Variants in MAPK10 observed in about 807,000 individuals in gnomAD.
MAPK10 encodes the protein JNK3 alpha protein kinase.
Under a neutral mutation model 59.3 loss-of-function variants are expected in MAPK10, and 25 were observed. The ratio of observed to expected loss-of-function variants is 0.42; its 90% confidence interval spans 0.31 to 0.59. The LOEUF (loss-of-function observed/expected upper bound fraction) is 0.59, where lower values mean the gene tolerates loss of function less well. MAPK10 is among the 20% of genes least tolerant of loss of function. The pLI is 0.15. For synonymous variants in MAPK10, 190 were observed against 200.5 expected, an observed-to-expected ratio of 0.95 and a Z score of 0.44; for missense variants, 351 against 568.9, an observed-to-expected ratio of 0.62 and a Z score of 3.90.
rs1173944873 is a variant in MAPK10, at chr4:86,359,287, T to TCTCTCTCTCTCC, written c.-122+370_-122+371insGGAGAGAGAGAG. On this transcript the variant is annotated intron_variant, in intron 1 of 13. Coordinates refer to ENST00000641462, the MANE Select transcript of MAPK10 (RefSeq NM_138982.4). ...TCCTCTCTCTCTCTCTCTCTCTCTCTCTGTGTGTGTGTGTGTGTGTGTGTG... is the reference window on the plus strand; with the variant it reads ...TCCTCTCTCTCTCTCTCTCTCTCTCTCTCTCTCTCTCCCTGTGTGTGTGTGTGTGTGTGTGTG... Among the ~76,000 whole-genome samples the TCTCTCTCTCTCC allele has an allele frequency of 2.3e-3, 301 of 128,452 alleles. 3 individuals carry two copies. Among genetic ancestry groups the TCTCTCTCTCTCC allele is most frequent in the African/African-American group, 9.8e-3 (287 of 29,144 alleles). The allele number at this position is 128,452 out of a possible 152,430, so 84.3% of individuals were successfully genotyped here.
At chr4:86,230,592 T>C (rs1026369227) in intron 2 of MAPK10, among the ~76,000 whole-genome samples, 1 of 152,202 alleles carries the variant, frequency 6.6e-6, no homozygotes, top group Non-Finnish European at 1.5e-5. Context: ...CTTAAGTAAA[T>C]ATATACAAAT....
At chr4:86,136,554 C>A (rs193079916) in intron 4 of MAPK10, among the ~76,000 whole-genome samples, 27 of 150,542 alleles carry the variant, frequency 1.8e-4, no homozygotes, top group East Asian at 7.7e-4. Flanking sequence ...TGGAAAGGAA[C>A]AACCAGTACC....
intron 1 of MAPK10, among the ~76,000 whole-genome samples, chr4:86,511,821 G>A (rs1256226580): frequency 2.0e-5 from 3 of 146,900 alleles, no homozygotes; most frequent in Admixed American, 7.0e-5. Context: ...AAACAAGGAA[G>A]GAAGGAAAGA....
chr4:86,141,806 G>T (rs1486329370), intron 4 of MAPK10, among the ~76,000 whole-genome samples: 1 of 152,084 alleles, frequency 6.6e-6, no homozygotes, highest in Non-Finnish European at 1.5e-5. Flanking sequence ...ATTTTGTGTT[G>T]CTATAATAGA....
intron 2 of MAPK10, among the ~76,000 whole-genome samples, chr4:86,272,059 A>C (rs911681539): frequency 2.6e-5 from 4 of 151,836 alleles, no homozygotes; most frequent in Non-Finnish European, 4.4e-5. Context: ...CCTAATGTTT[A>C]GCTCCCACTT....
At chr4:86,316,858 C>T (rs1323109951) in intron 2 of MAPK10, among the ~76,000 whole-genome samples, 1 of 152,052 alleles carries the variant, frequency 6.6e-6, no homozygotes, top group African/African-American at 2.4e-5. Context: ...CAGTTGTTGT[C>T]GTAGTAGAAA....
intron 6 of MAPK10, 71 bp from the exon 7 acceptor site, chr4:86,102,103 G>C: frequency 7.3e-7 from 1 of 1,366,662 alleles, no homozygotes; most frequent in Non-Finnish European, 1.0e-6. Context: ...TAGTCAGAAT[G>C]CTCTCCTAAC....
chr4:86,544,084 T>A (rs1376386790), intron 1 of MAPK10, among the ~76,000 whole-genome samples: 5 of 152,164 alleles, frequency 3.3e-5, no homozygotes, highest in Admixed American at 2.6e-4. Flanking sequence ...GAATGGGGAA[T>A]GTGGGAAGGG....
intron 9 of MAPK10, among the ~76,000 whole-genome samples, chr4:86,085,329 A>G (rs2051554873): frequency 6.6e-6 from 1 of 152,216 alleles, no homozygotes; most frequent in African/African-American, 2.4e-5. Context: ...ATGAGAGAAA[A>G]TATTTGCAAA....
intron 2 of MAPK10, among the ~76,000 whole-genome samples, chr4:86,212,993 C>G (rs905760336): frequency 2.0e-5 from 3 of 152,124 alleles, no homozygotes; most frequent in Non-Finnish European, 4.4e-5. Flanking sequence ...AGATATAATA[C>G]ACTATTTTCT....
chr4:86,454,590 A>G (rs1266780817), upstream of MAPK10, among the ~76,000 whole-genome samples: 1 of 152,148 alleles, frequency 6.6e-6, no homozygotes, highest in Non-Finnish European at 1.5e-5. Context: ...GACAAAAAAG[A>G]GTAAGAAAAT....
intron 1 of MAPK10, among the ~76,000 whole-genome samples, chr4:86,446,923 A>G (rs1043446966): frequency 6.6e-6 from 1 of 151,958 alleles, no homozygotes; most frequent in African/African-American, 2.4e-5. Context: ...AGAGTCCTTC[A>G]TATATTCTAA....
At chr4:86,380,706 A>G (rs1030048841) in intron 1 of MAPK10, among the ~76,000 whole-genome samples, 2 of 152,228 alleles carry the variant, frequency 1.3e-5, no homozygotes, top group African/African-American at 4.8e-5. Context: ...GCATGTTTAC[A>G]TTTGTACCAT....
At chr4:86,552,627 C>G (rs1014532205) in intron 1 of MAPK10, among the ~76,000 whole-genome samples, 8 of 152,058 alleles carry the variant, frequency 5.3e-5, no homozygotes, top group African/African-American at 1.9e-4. Flanking sequence ...CTGTGGGTCT[C>G]TTGCATTTCT....
chr4:86,226,321 C>T (rs1454626118), intron 2 of MAPK10, among the ~76,000 whole-genome samples: 4 of 152,118 alleles, frequency 2.6e-5, no homozygotes, highest in Non-Finnish European at 4.4e-5. Context: ...CAGACTTTAC[C>T]CGGTTTCAAG....
At chr4:86,361,674 C>T (rs1736991696), upstream of MAPK10, among the ~76,000 whole-genome samples, 2 of 152,046 alleles carry the variant, frequency 1.3e-5, no homozygotes, top group African/African-American at 4.8e-5. Flanking sequence ...TACACACACA[C>T]ACACACATGC....
intron 2 of MAPK10, among the ~76,000 whole-genome samples, chr4:86,245,484 T>C (rs1167962563): frequency 1.3e-5 from 2 of 152,036 alleles, no homozygotes; most frequent in Non-Finnish European, 2.9e-5. Context: ...TTGATTAAAA[T>C]TTTTAATTAA....
chr4:86,377,966 C>G (rs901314296), intron 1 of MAPK10, among the ~76,000 whole-genome samples: 2 of 152,042 alleles, frequency 1.3e-5, no homozygotes, highest in Non-Finnish European at 2.9e-5. Context: ...TGTGCCCACC[C>G]AGATTAAGGG....
At chr4:86,404,042 T>A (rs1328505827) in intron 1 of MAPK10, among the ~76,000 whole-genome samples, 3 of 152,168 alleles carry the variant, frequency 2.0e-5, no homozygotes, top group Admixed American at 6.5e-5. Flanking sequence ...AAAGTAATAA[T>A]CATATTGTCA....
Sources: gnomAD v4.1 joint callset for allele counts (sites outside exome capture counted in the v4.1 genomes callset) on GRCh38, gnomAD v4.1.1 for gene constraint, MANE v1.5 for transcripts, NCBI Gene and HGNC (gene_info 2026-07-23, HGNC 2026-07-21) for gene names.